Variants in PPP4R2 observed in about 807,000 individuals in gnomAD.
PPP4R2 encodes the protein protein phosphatase 4 regulatory subunit 2, also known as serine/threonine-protein phosphatase 4 regulatory subunit 2.
Under a neutral mutation model 47.2 loss-of-function variants are expected in PPP4R2, and 13 were observed. That is an observed-to-expected ratio of 0.28 (90% CI 0.18 to 0.44). PPP4R2 has a LOEUF of 0.44. Ranked by LOEUF, PPP4R2 falls within the 20% of genes least tolerant of loss-of-function variation. The pLI, the probability that PPP4R2 is intolerant of heterozygous loss-of-function variation, is 1.00. For missense variants in PPP4R2, 421 were observed against 491.2 expected (o/e 0.86, Z 1.35); for synonymous variants, 151 against 163.3 (o/e 0.92, Z 0.57).
At position 73,044,366 on chromosome 3, in the gene PPP4R2, C is replaced by G. The variant is rs188401352; in HGVS notation, c.117-2820C>G. ...CTTTGGGAGGCTGAGGTGGGCTGAT[C>G]ACGAGGTCAGGAGTTCGAGACCAGC... On this transcript the variant is annotated intron_variant, in intron 2 of 8. Coordinates refer to ENST00000356692, the MANE Select transcript of PPP4R2 (RefSeq NM_174907.4). Among the ~76,000 whole-genome samples the G allele has an allele frequency of 3.8e-3, 576 of 152,178 alleles. 1 individual carries two copies. The highest frequency in any genetic ancestry group is 6.2e-3 in the Non-Finnish European group (419 of 68,016).
chr3:73,024,936 A>G (rs771226738), intron 2 of PPP4R2, among the ~76,000 whole-genome samples: 7 of 152,184 alleles, frequency 4.6e-5, no homozygotes, highest in Non-Finnish European at 5.9e-5. Flanking sequence ...GCCAAAGGGT[A>G]TGAGGATGGA....
At chr3:73,038,332 T>C (rs1234553652) in intron 2 of PPP4R2, among the ~76,000 whole-genome samples, 2 of 152,184 alleles carry the variant, frequency 1.3e-5, no homozygotes, top group African/African-American at 2.4e-5. Flanking sequence ...GAGGAGTCTA[T>C]GTTGGTATAG....
In PPP4R2 at chr3:73,065,623, A is replaced by G. The variant is rs1303766938; in HGVS notation, c.1155A>G (p.Gly385=). 1 of 1,612,914 alleles carries G rather than the reference A, an allele frequency of 6.2e-7. No individual in the cohort carries two copies. Among genetic ancestry groups the G allele is most frequent in the African/African-American group, 1.3e-5 (1 of 74,902 alleles). The part of the protein sequence containing the change: ...SDCRETEELV[G]SNSSKTGEIL... ...GCCGTGAAACAGAAGAATTAGTAGG[A>G]TCCAATTCCAGTAAAACTGGAGAGA... Residue 385 remains glycine (G), a synonymous_variant, in exon 9 of 9, where the codon GGA becomes GGG. Transcript: ENST00000356692.
chr3:73,024,280 A>T (rs1410041827), intron 2 of PPP4R2, among the ~76,000 whole-genome samples: 1 of 152,178 alleles, frequency 6.6e-6, no homozygotes, highest in Non-Finnish European at 1.5e-5. Context: ...AGAAAGGAAA[A>T]TTTATCAAAC....
intron 4 of PPP4R2, among the ~76,000 whole-genome samples, 159 bp downstream of exon 4, chr3:73,059,289 T>G (rs1179651377): frequency 6.6e-6 from 1 of 152,230 alleles, no homozygotes. Context: ...GCATTCTGTT[T>G]TACAGAGAGA....
intron 2 of PPP4R2, among the ~76,000 whole-genome samples, chr3:73,017,965 C>T (rs1701874337): frequency 6.6e-6 from 1 of 152,062 alleles, no homozygotes; most frequent in South Asian, 2.1e-4. Flanking sequence ...TTTAATGCAA[C>T]TATTAACAAT....
chr3:73,047,430 T>G (rs1466904393), intron 3 of PPP4R2, 74 bp downstream of exon 3: 2 of 975,080 alleles, frequency 2.1e-6, no homozygotes, highest in African/African-American at 2.2e-5. Context: ...AGTTTTGATG[T>G]GTCTGGTTGA....
rs1703042123 is a variant in PPP4R2, at chr3:73,068,300, T to C, written c.*2578T>C. 6.6e-6 allele frequency: 1 copy of C among 152,146 alleles called. No homozygotes were observed. The highest frequency in any genetic ancestry group is 1.5e-5 in the Non-Finnish European group (1 of 68,036). The allele number at this position is 152,146 out of a possible 1,614,324, so 9.4% of individuals were successfully genotyped here. Reference sequence around the variant, plus strand: ...ATTTTGTTTCTGACCTTGAGCAGATTGCTTACCTGTTCTCTAGACTATAAC... The same window carrying C: ...ATTTTGTTTCTGACCTTGAGCAGATCGCTTACCTGTTCTCTAGACTATAAC... On this transcript the variant is annotated 3_prime_UTR_variant, in exon 9 of 9. Coordinates refer to ENST00000356692, the MANE Select transcript of PPP4R2 (RefSeq NM_174907.4).
At chr3:73,005,048 TA>T (rs1701575771) in intron 2 of PPP4R2, among the ~76,000 whole-genome samples, 1 of 150,410 alleles carries the variant, frequency 6.6e-6, no homozygotes, top group Non-Finnish European at 1.5e-5. Flanking sequence ...CCATCTCCGC[TA>T]ACCGCAATCT....
At position 73,065,601 on chromosome 3, in the gene PPP4R2, G is replaced by A. The variant is rs777442907; in HGVS notation, c.1133G>A (p.Arg378His). 11 of 1,613,552 alleles carry A rather than the reference G, an allele frequency of 6.8e-6. No individual in the cohort carries two copies. The highest frequency in any genetic ancestry group is 2.2e-5 in the South Asian group (2 of 91,066). Residue 378 changes from arginine to histidine, a missense_variant, in exon 9 of 9, where the codon CGT becomes CAT. Coordinates refer to ENST00000356692, the MANE Select transcript of PPP4R2 (RefSeq NM_174907.4). ...GTAAGTAGTAGTTCTTCTGACTGCC[G>A]TGAAACAGAAGAATTAGTAGGATCC... ...GPVSSSSSDCRETEELVGSNS... is the reference protein window; with the variant it reads ...GPVSSSSSDCHETEELVGSNS...
chr3:73,011,959 C>G (rs1701733734), intron 2 of PPP4R2, among the ~76,000 whole-genome samples: 1 of 152,102 alleles, frequency 6.6e-6, no homozygotes, highest in Non-Finnish European at 1.5e-5. Context: ...AGTGCGAGGT[C>G]TTAACATTTG....
chr3:73,002,619 C>CTTTT (rs1290799022), intron 2 of PPP4R2, among the ~76,000 whole-genome samples: 1 of 68,346 alleles, frequency 1.5e-5, no homozygotes, highest in African/African-American at 7.3e-5. Flanking sequence ...CTTTTCTTTT[C>CTTTT]TTTTCTTTTC....
intron 3 of PPP4R2, 84 bp downstream of exon 3, chr3:73,047,440 A>ATAAT (rs71126828): frequency 0.5 from 410,907 of 814,200 alleles, 106,602 homozygotes; most frequent in African/African-American, 0.62. Flanking sequence ...TGTCTGGTTG[A>ATAAT]TGATTGATTA....
At chr3:73,032,421 T>C (rs1218549897) in intron 2 of PPP4R2, among the ~76,000 whole-genome samples, 1 of 151,174 alleles carries the variant, frequency 6.6e-6, no homozygotes, top group Non-Finnish European at 1.5e-5. Context: ...CCTGAGTAGC[T>C]GAGATTACAG....
chr3:73,062,592 A>G (rs1243160353), intron 5 of PPP4R2: 1 of 1,613,992 alleles, frequency 6.2e-7, no homozygotes, highest in South Asian at 1.1e-5. Context: ...ATTCAAAGAT[A>G]TGCCTAACTT....
chr3:73,004,883 TTG>T (rs1286817138), intron 2 of PPP4R2, among the ~76,000 whole-genome samples: 3 of 125,838 alleles, frequency 2.4e-5, no homozygotes, highest in Non-Finnish European at 3.3e-5. Context: ...GTTTGTTTGT[TTG>T]TGTGTGTGTG....
intron 2 of PPP4R2, among the ~76,000 whole-genome samples, chr3:73,033,509 G>A (rs1359172876): frequency 6.6e-6 from 1 of 152,144 alleles, no homozygotes; most frequent in African/African-American, 2.4e-5. Flanking sequence ...ATTATTTATG[G>A]ATTGCTTGGT....
chr3:73,064,434 A>G (rs1345927877), intron 7 of PPP4R2, among the ~76,000 whole-genome samples: 1 of 152,238 alleles, frequency 6.6e-6, no homozygotes, highest in Non-Finnish European at 1.5e-5. Flanking sequence ...AAAAGAAATG[A>G]TCTTTATAAA....
chr3:73,052,040 A>C (rs1275312451), intron 3 of PPP4R2, among the ~76,000 whole-genome samples: 3 of 152,190 alleles, frequency 2.0e-5, no homozygotes, highest in Non-Finnish European at 4.4e-5. Context: ...AACAAGGCCT[A>C]GAAGAGTGAG....
Sources: allele counts gnomAD v4.1 joint callset (sites outside exome capture counted in the v4.1 genomes callset), GRCh38; gene constraint gnomAD v4.1.1; transcripts MANE v1.5; gene names NCBI Gene and HGNC (gene_info 2026-07-23, HGNC 2026-07-21).